Variants in PCDHA12 observed in about 807,000 individuals in gnomAD.
The protein encoded by PCDHA12 is protocadherin alpha-12.
In PCDHA12, 44 loss-of-function variants were observed where a neutral mutation model predicts 60.0. The ratio of observed to expected loss-of-function variants is 0.73; its 90% CI spans 0.58 to 0.94. PCDHA12 has a LOEUF of 0.94. PCDHA12 is among the 40% of genes least tolerant of loss of function. The pLI is 0.00. For synonymous variants in PCDHA12, 569 were observed against 553.0 expected, an observed-to-expected ratio of 1.03 and a Z score of -0.40; for missense variants, 1,276 against 1,239.7, an observed-to-expected ratio of 1.03 and a Z score of -0.44.
intron 1 of PCDHA12, among the ~76,000 whole-genome samples, chr5:140,916,761 G>A (rs1391817856): frequency 2.0e-5 from 3 of 152,306 alleles, no homozygotes; most frequent in South Asian, 2.1e-4. Flanking sequence ...TTAGGGGAGG[G>A]GTGGCACAAG....
intron 1 of PCDHA12, among the ~76,000 whole-genome samples, chr5:140,972,866 G>A (rs1010114234): frequency 6.6e-6 from 1 of 152,046 alleles, no homozygotes; most frequent in Non-Finnish European, 1.5e-5. Context: ...GTTTCATCAT[G>A]TTGTCCAGGA....
chr5:140,908,756 C>A (rs2074138062), intron 1 of PCDHA12, among the ~76,000 whole-genome samples: 1 of 152,106 alleles, frequency 6.6e-6, no homozygotes, highest in Non-Finnish European at 1.5e-5. Flanking sequence ...TTGCACACAG[C>A]CTGGACGTGT....
At chr5:140,959,883 C>T (rs535578218) in intron 1 of PCDHA12, among the ~76,000 whole-genome samples, 4 of 152,222 alleles carry the variant, frequency 2.6e-5, no homozygotes, top group South Asian at 2.1e-4. Flanking sequence ...AAGGAATACA[C>T]GAGTGGGATT....
intron 1 of PCDHA12, among the ~76,000 whole-genome samples, chr5:140,953,801 T>C (rs2094937379): frequency 6.6e-6 from 1 of 152,204 alleles, no homozygotes; most frequent in Non-Finnish European, 1.5e-5. Flanking sequence ...ACTTTTAAGT[T>C]CTGAGGTGCA....
At chr5:140,982,186 C>G (rs547938149) in intron 2 of PCDHA12, among the ~76,000 whole-genome samples, 34 of 152,372 alleles carry the variant, frequency 2.2e-4, no homozygotes, top group African/African-American at 7.7e-4. Context: ...CTCTGATGGG[C>G]TTCCTGTTAG....
chr5:140,978,907 G>T (rs782602741), intron 1 of PCDHA12, 42 bp from the exon 2 acceptor site: 3 of 1,613,648 alleles, frequency 1.9e-6, no homozygotes, highest in East Asian at 2.2e-5. Flanking sequence ...GGAGAACATT[G>T]TCTTGTCATT....
rs1554189151 is a variant in PCDHA12, at chr5:140,900,427, G to GCA, written c.2367+22589_2367+22590insAC. On this transcript the variant is annotated intron_variant, in intron 1 of 3. Transcript: ENST00000398631. ...CAAGTAGCTGGGATTATAGGCACGT[G>GCA]CCACCACGGCCGGCTAATTTTTTAT... 7.9e-5 allele frequency among the ~76,000 whole-genome samples: 12 copies of GCA among 152,230 alleles called. No homozygotes were observed. The East Asian group carries it at 2.3e-3, about 30-fold the overall frequency.
chr5:140,882,094 C>G, intron 1 of PCDHA12: 1 of 1,172,684 alleles, frequency 8.5e-7, no homozygotes. Flanking sequence ...TCACTGAGAA[C>G]GTTTCCGCGA....
intron 1 of PCDHA12, among the ~76,000 whole-genome samples, chr5:140,934,327 T>C (rs1379362644): frequency 1.3e-5 from 2 of 152,152 alleles, no homozygotes; most frequent in African/African-American, 4.8e-5. Flanking sequence ...CAATCATGAA[T>C]GTAATAACCA....
chr5:140,999,712 C>T (rs1411166924), intron 3 of PCDHA12, among the ~76,000 whole-genome samples: 9 of 152,204 alleles, frequency 5.9e-5, no homozygotes, highest in African/African-American at 9.6e-5. Flanking sequence ...TAGCTAACTA[C>T]GGAGACCAGC....
intron 1 of PCDHA12, among the ~76,000 whole-genome samples, chr5:140,912,788 A>G (rs1467959281): frequency 6.6e-6 from 1 of 152,104 alleles, no homozygotes; most frequent in East Asian, 1.9e-4. Context: ...CTTCTATGCC[A>G]ATTTTCTTGA....
At position 140,976,656 on chromosome 5, in the gene PCDHA12, C is replaced by T. The variant is rs551402825; in HGVS notation, c.2368-2293C>T. ...AATCAGACAAGTAATTTAATCTCTC[C>T]AAAGTTCAGATGTCTCATTTTTGCA... is the stretch of plus-strand genomic sequence containing the variant. On this transcript the variant is annotated intron_variant, in intron 1 of 3. Transcript: ENST00000398631. Among the ~76,000 whole-genome samples the T allele has an allele frequency of 3.3e-5, 5 of 152,272 alleles. No homozygotes were observed. The South Asian group carries it at 1.0e-3, about 32-fold the overall frequency.
chr5:140,975,201 A>G (rs1253516142), intron 1 of PCDHA12, among the ~76,000 whole-genome samples: 1 of 152,144 alleles, frequency 6.6e-6, no homozygotes, highest in Non-Finnish European at 1.5e-5. Context: ...CTCCATCTTC[A>G]TGGCTGGCAC....
chr5:140,882,182 G>A (rs1357141908), intron 1 of PCDHA12: 1 of 1,518,510 alleles, frequency 6.6e-7, no homozygotes, highest in Non-Finnish European at 8.8e-7. Context: ...TCCGCACTAG[G>A]AAGCCATAAA....
At position 140,968,680 on chromosome 5, in the gene PCDHA12, C is replaced by T. The variant is rs546565550; in HGVS notation, c.2368-10269C>T. 10 of 1,614,154 alleles carry T rather than the reference C, an allele frequency of 6.2e-6. No homozygotes were observed. The South Asian group carries it at 6.6e-5, about 11-fold the overall frequency. ...TGGACCTCTTTAAGGTAGAGCTGCA[C>T]ACAGGAGAAATTAGGACTACCAGGA... On this transcript the variant is annotated intron_variant, in intron 1 of 3. Coordinates refer to ENST00000398631, the MANE Select transcript of PCDHA12 (RefSeq NM_018903.4).
At chr5:140,919,816 A>T (rs542185810) in intron 1 of PCDHA12, among the ~76,000 whole-genome samples, 22 of 152,358 alleles carry the variant, frequency 1.4e-4, no homozygotes, top group African/African-American at 5.3e-4. Flanking sequence ...GGCCTCAAAA[A>T]TATATGTCCA....
chr5:140,916,437 C>T lies in PCDHA12; in HGVS notation c.2367+38598C>T, dbSNP rs77605255. Among the ~76,000 whole-genome samples the T allele has an allele frequency of 8.0e-3, 1,220 of 152,340 alleles. 6 individuals are homozygous for T. The highest frequency in any genetic ancestry group is 0.019 in the African/African-American group (786 of 41,586). Reference sequence around the variant, plus strand: ...AGCACATCTCAGAACCTAAGGCCCACAGTATACTACCTGGATATCACTGCT... The same window carrying T: ...AGCACATCTCAGAACCTAAGGCCCATAGTATACTACCTGGATATCACTGCT... On this transcript the variant is annotated intron_variant, in intron 1 of 3. Coordinates refer to ENST00000398631, the MANE Select transcript of PCDHA12 (RefSeq NM_018903.4).
At chr5:140,962,203 C>T (rs1431150597) in intron 1 of PCDHA12, among the ~76,000 whole-genome samples, 1 of 152,086 alleles carries the variant, frequency 6.6e-6, no homozygotes, top group African/African-American at 2.4e-5. Flanking sequence ...CTTCCTATCT[C>T]CTTATTGATC....
At chr5:140,993,459 TTCTCAC>T (rs2097559303) in intron 3 of PCDHA12, among the ~76,000 whole-genome samples, 1 of 83,038 alleles carries the variant, frequency 1.2e-5, no homozygotes, top group African/African-American at 4.6e-5. Context: ...CCTTCTTTCT[TTCTCAC>T]ACACACACAC....
Sources: gnomAD v4.1 joint callset for allele counts (sites outside exome capture counted in the v4.1 genomes callset) on GRCh38, gnomAD v4.1.1 for gene constraint, MANE v1.5 for transcripts, NCBI Gene and HGNC (gene_info 2026-07-23, HGNC 2026-07-21) for gene names.